Variants in DTWD2 observed in about 807,000 individuals in gnomAD.
DTWD2 encodes the protein DTW motif tRNA-uridine aminocarboxypropyltransferase 2, also known as tRNA-uridine aminocarboxypropyltransferase 2.
Under a neutral mutation model 31.8 loss-of-function variants are expected in DTWD2, and 39 were observed. That is an observed-to-expected ratio of 1.22 (90% CI 0.95 to 1.60). The LOEUF is 1.60. Ranked by LOEUF, DTWD2 falls within the 40% of genes most tolerant of loss-of-function variation. DTWD2 has a pLI of 0.00. For synonymous variants in DTWD2, 180 were observed against 142.8 expected (o/e 1.26, Z -1.86); for missense variants, 515 against 381.5 (o/e 1.35, Z -2.92).
chr5:118,837,166 C>A lies in DTWD2; in HGVS notation c.*3751G>T, dbSNP rs978015338. On this transcript the variant is annotated 3_prime_UTR_variant, in exon 6 of 6. Transcript: ENST00000510708. ...GGTGATGAAAGAGGGAGAGGAAGACCCTGGGAAGGAGGAAGAAAGTGTGAA... is the reference window on the plus strand; with the variant it reads ...GGTGATGAAAGAGGGAGAGGAAGACACTGGGAAGGAGGAAGAAAGTGTGAA... Among the ~76,000 whole-genome samples, 1 of 151,516 alleles carries A rather than the reference C, an allele frequency of 6.6e-6. No homozygotes were observed. The highest frequency in any genetic ancestry group is 1.9e-4 in the East Asian group (1 of 5,176).
At chr5:118,953,372 G>A (rs1754509345) in intron 1 of DTWD2, among the ~76,000 whole-genome samples, 2 of 152,214 alleles carry the variant, frequency 1.3e-5, no homozygotes, top group Non-Finnish European at 2.9e-5. Flanking sequence ...GAACTTTTGT[G>A]AGAAGTAGTA....
At chr5:118,896,577 T>A (rs1400437597) in intron 4 of DTWD2, among the ~76,000 whole-genome samples, 1 of 152,088 alleles carries the variant, frequency 6.6e-6, no homozygotes, top group African/African-American at 2.4e-5. Flanking sequence ...ATTCAAAGAA[T>A]GAAAAATAAA....
chr5:118,939,211 C>T lies in DTWD2; in HGVS notation c.389G>A (p.Arg130His), dbSNP rs771577328. 5.6e-6 allele frequency: 9 copies of T among 1,604,320 alleles called. No homozygotes were observed. Among genetic ancestry groups the T allele is most frequent in the South Asian group, 3.3e-5 (3 of 89,714 alleles). The change falls in exon 3 of 6, where the codon CGC becomes CAC. Residue 130 changes from arginine to histidine, a missense_variant. Arg to His is a conservative substitution (Grantham distance 29). Coordinates refer to ENST00000510708, the MANE Select transcript of DTWD2 (RefSeq NM_173666.4). ...QDKCKVKIGR[R>H]FSEERDPELS... ...GTTAATTTACCTTTCTTCACTGAAG[C>T]GACGACCGATCTTCACTTTACACTT...
chr5:118,957,914 C>T (rs1323489650), intron 1 of DTWD2, among the ~76,000 whole-genome samples: 1 of 152,090 alleles, frequency 6.6e-6, no homozygotes, highest in Non-Finnish European at 1.5e-5. Flanking sequence ...ATACTTCTTC[C>T]TTTTTTGATA....
At chr5:118,846,594 T>G (rs1054803858) in intron 5 of DTWD2, among the ~76,000 whole-genome samples, 1 of 152,154 alleles carries the variant, frequency 6.6e-6, no homozygotes, top group African/African-American at 2.4e-5. Context: ...ACGCAGAGAC[T>G]GTAGAGAAAG....
At chr5:118,905,095 C>A (rs566556131) in intron 4 of DTWD2, among the ~76,000 whole-genome samples, 2 of 152,100 alleles carry the variant, frequency 1.3e-5, no homozygotes, top group Non-Finnish European at 2.9e-5. Context: ...TATGTATGTA[C>A]ATGTGTGGAT....
intron 1 of DTWD2, among the ~76,000 whole-genome samples, chr5:118,954,094 G>T (rs3887648): frequency 6.6e-6 from 1 of 152,112 alleles, no homozygotes; most frequent in Non-Finnish European, 1.5e-5. Flanking sequence ...AACATAGCAA[G>T]ACCTCATCTC....
intron 1 of DTWD2, among the ~76,000 whole-genome samples, chr5:118,982,516 G>A (rs921452708): frequency 1.3e-5 from 2 of 151,824 alleles, no homozygotes; most frequent in African/African-American, 2.4e-5. Flanking sequence ...CTATTTCAAA[G>A]AATAAACATA....
At chr5:118,946,442 C>T (rs1464831983) in intron 1 of DTWD2, among the ~76,000 whole-genome samples, 3 of 152,122 alleles carry the variant, frequency 2.0e-5, no homozygotes, top group Non-Finnish European at 4.4e-5. Flanking sequence ...TCAGTAGAAA[C>T]AGGAACAGGA....
intron 4 of DTWD2, among the ~76,000 whole-genome samples, chr5:118,850,536 A>C (rs1390170135): frequency 2.0e-5 from 3 of 150,594 alleles, no homozygotes; most frequent in African/African-American, 4.9e-5. Flanking sequence ...TTAAAGATTA[A>C]AATGTAAGGC....
At chr5:118,949,630 T>C (rs1754414210) in intron 1 of DTWD2, among the ~76,000 whole-genome samples, 1 of 152,082 alleles carries the variant, frequency 6.6e-6, no homozygotes, top group Non-Finnish European at 1.5e-5. Flanking sequence ...TGCGGTGGGA[T>C]GGGATATTGG....
At chr5:118,982,686 CTT>C (rs56102830) in intron 1 of DTWD2, among the ~76,000 whole-genome samples, 14 of 121,132 alleles carry the variant, frequency 1.2e-4, no homozygotes, top group African/African-American at 3.1e-4. Context: ...AGTTTGTTTT[CTT>C]TTTTTTTTTT....
chr5:118,965,203 G>A (rs1198424201), intron 1 of DTWD2, among the ~76,000 whole-genome samples: 1 of 150,716 alleles, frequency 6.6e-6, no homozygotes, highest in Non-Finnish European at 1.5e-5. Flanking sequence ...CCTCCGCCCA[G>A]CAGCCGCCCC....
intron 4 of DTWD2, among the ~76,000 whole-genome samples, chr5:118,851,136 T>C (rs73236931): frequency 0.041 from 6,239 of 150,394 alleles, 435 homozygotes; most frequent in African/African-American, 0.14. Context: ...GGAGAATCAC[T>C]TGAACCTGAG....
At chr5:118,842,680 C>A (rs113821455) in intron 5 of DTWD2, among the ~76,000 whole-genome samples, 20 of 152,102 alleles carry the variant, frequency 1.3e-4, no homozygotes, top group African/African-American at 4.8e-4. Flanking sequence ...CATCTGTAAT[C>A]CCAGCATTTT....
At chr5:118,887,780 G>A (rs1038973009) in intron 4 of DTWD2, among the ~76,000 whole-genome samples, 17 of 152,240 alleles carry the variant, frequency 1.1e-4, no homozygotes, top group African/African-American at 3.9e-4. Flanking sequence ...CACCACACTT[G>A]ACTAATTGTT....
At chr5:118,861,693 C>T (rs1268845996) in intron 4 of DTWD2, among the ~76,000 whole-genome samples, 1 of 152,068 alleles carries the variant, frequency 6.6e-6, no homozygotes, top group Non-Finnish European at 1.5e-5. Context: ...TGGGATAAGG[C>T]AGAGACAGCA....
intron 3 of DTWD2, among the ~76,000 whole-genome samples, chr5:118,934,991 T>C (rs1033661309): frequency 1.3e-5 from 2 of 152,128 alleles, no homozygotes; most frequent in African/African-American, 2.4e-5. Flanking sequence ...TATGCTAATA[T>C]TGACTGACAG....
intron 1 of DTWD2, among the ~76,000 whole-genome samples, chr5:118,984,229 C>T (rs550918648): frequency 1.3e-5 from 2 of 151,818 alleles, no homozygotes; most frequent in Non-Finnish European, 1.5e-5. Context: ...GCAGAGGTTG[C>T]GGTCAGCCAA....
Sources: gnomAD v4.1 joint callset for allele counts (sites outside exome capture counted in the v4.1 genomes callset) on GRCh38, gnomAD v4.1.1 for gene constraint, MANE v1.5 for transcripts, NCBI Gene and HGNC (gene_info 2026-07-23, HGNC 2026-07-21) for gene names.